SMARCB1: variants seen among roughly 807,000 people sequenced by gnomAD.
SMARCB1 encodes SWI/SNF related BAF chromatin remodeling complex subunit B1, also known as SWI/SNF-related matrix-associated actin-dependent regulator of chromatin subfamily B member 1.
SMARCB1 carries 5 observed loss-of-function variants against 49.0 expected under a neutral mutation model. The observed-to-expected ratio is 0.10, with a 90% confidence interval of 0.05 to 0.21. The LOEUF (loss-of-function observed/expected upper bound fraction) is 0.21, where lower values mean the gene tolerates loss of function less well. Among genes scored for constraint, SMARCB1 ranks in the 10% least tolerant of loss-of-function variants. The pLI is 1.00. For synonymous variants in SMARCB1, 201 were observed against 200.1 expected (o/e 1.00, Z -0.04); for missense variants, 226 against 509.2 (o/e 0.44, Z 5.35).
At chr22:23,802,171 C>T (rs1929196621) in intron 4 of SMARCB1, 1 of 152,816 alleles carries the variant, frequency 6.5e-6, no homozygotes, top group African/African-American at 2.4e-5. Context: ...ACGCAGAATC[C>T]TCCAGGCTCC....
At position 23,834,354 on chromosome 22, in the gene SMARCB1, G is replaced by T; in HGVS notation, c.*174G>T. On this transcript the variant is annotated 3_prime_UTR_variant, in exon 9 of 9. Coordinates refer to ENST00000644036, the MANE Select transcript of SMARCB1 (RefSeq NM_003073.5). The stretch of plus-strand genomic sequence containing the variant: ...TCCCGGCACACATTCCATTTGTTGA[G>T]CCCCAGTCCTGCCCCCCACCCCACC... 1 of 741,280 alleles carries T rather than the reference G, an allele frequency of 1.3e-6. No homozygotes were observed. 45.9% of individuals were successfully genotyped at this position (741,280 alleles called of 1,614,324 possible).
At chr22:23,828,033 T>C (rs2030473166) in intron 7 of SMARCB1, among the ~76,000 whole-genome samples, 1 of 152,144 alleles carries the variant, frequency 6.6e-6, no homozygotes. Flanking sequence ...ACAGAAAGCT[T>C]GGCAACTGCT....
At chr22:23,799,087 T>C (rs1928960988) in intron 3 of SMARCB1, among the ~76,000 whole-genome samples, 1 of 151,014 alleles carries the variant, frequency 6.6e-6, no homozygotes, top group Admixed American at 6.6e-5. Context: ...TGACTTGCTC[T>C]GAATGGTTGA....
intron 5 of SMARCB1, 57 bp from the exon 6 acceptor site, chr22:23,816,713 G>A (rs2146009035): frequency 4.6e-6 from 7 of 1,523,870 alleles, no homozygotes; most frequent in Middle Eastern, 1.7e-4. Flanking sequence ...GAGGGAGGCC[G>A]GTCCATGCCC....
intron 6 of SMARCB1, chr22:23,822,981 T>C (rs2030179943): frequency 1.2e-5 from 1 of 83,756 alleles, no homozygotes; most frequent in African/African-American, 4.6e-5. Flanking sequence ...TTTTTTTTTT[T>C]TTTTTTTTTT....
At chr22:23,815,657 G>A (rs1249555298) in intron 5 of SMARCB1, 1 of 152,210 alleles carries the variant, frequency 6.6e-6, no homozygotes, top group African/African-American at 2.4e-5. Context: ...ATAATAGCGG[G>A]AAACTGGAAA....
At position 23,835,756 on chromosome 22, in the gene SMARCB1, A is replaced by G; in HGVS notation, c.*1576A>G. 1.0e-6 allele frequency: 1 copy of G among 985,468 alleles called. No individual in the cohort carries two copies. The highest frequency in any genetic ancestry group is 1.7e-5 in the African/African-American group (1 of 57,366). The allele number at this position is 985,468 out of a possible 1,614,324, so 61.0% of individuals were successfully genotyped here. On this transcript the variant is annotated 3_prime_UTR_variant, in exon 9 of 9. Coordinates refer to ENST00000644036, the MANE Select transcript of SMARCB1 (RefSeq NM_003073.5). ...TAGGAACCTCGGCAATGAAAGGGTG[A>G]GGCAGCCCTGTGTCTCCACAACTGG...
chr22:23,797,713 G>A (rs1351022190), intron 3 of SMARCB1, among the ~76,000 whole-genome samples: 1 of 138,156 alleles, frequency 7.2e-6, no homozygotes, highest in Non-Finnish European at 1.5e-5. Context: ...CCCTTCCCGG[G>A]TTCAAGTCAT....
At chr22:23,831,496 C>T (rs2030655165) in intron 7 of SMARCB1, among the ~76,000 whole-genome samples, 1 of 152,126 alleles carries the variant, frequency 6.6e-6, no homozygotes. Context: ...CTCCCAGGGT[C>T]CCCAGCACTC....
intron 3 of SMARCB1, among the ~76,000 whole-genome samples, chr22:23,794,403 T>TG (rs1928613075): frequency 6.6e-6 from 1 of 152,094 alleles, no homozygotes; most frequent in South Asian, 2.1e-4. Flanking sequence ...GTGGGACTCG[T>TG]GGGGCACAGT....
At chr22:23,833,067 AG>A (rs1454122126) in intron 7 of SMARCB1, among the ~76,000 whole-genome samples, 1 of 152,036 alleles carries the variant, frequency 6.6e-6, no homozygotes, top group Non-Finnish European at 1.5e-5. Context: ...ATGCAGGAAC[AG>A]GCTGTGCAGT....
chr22:23,814,276 A>G (rs2146003701), intron 5 of SMARCB1, among the ~76,000 whole-genome samples: 1 of 152,362 alleles, frequency 6.6e-6, no homozygotes, highest in Admixed American at 6.5e-5. Flanking sequence ...ACAGACCCAC[A>G]CAAACGTGCC....
At chr22:23,788,796 A>G (rs75356159) in intron 1 of SMARCB1, among the ~76,000 whole-genome samples, 183 of 152,320 alleles carry the variant, frequency 1.2e-3, no homozygotes, top group African/African-American at 4.3e-3. Flanking sequence ...GGTCACACTG[A>G]GTCCCATGGA....
intron 7 of SMARCB1, among the ~76,000 whole-genome samples, chr22:23,830,493 GT>G: frequency 6.6e-6 from 1 of 152,164 alleles, no homozygotes; most frequent in East Asian, 1.9e-4. Context: ...TTATTGTTGA[GT>G]TGTAATTGTT....
Position 23,836,864 on chromosome 22 carries a change from G to A in SMARCB1, c.*2684G>A, listed in dbSNP as rs200378544. ...AAGCCTCTTAGGCCTGGCCCTGGGT[G>A]GGGGTCACTGCTGCGGGGGTGGCAG... On this transcript the variant is annotated 3_prime_UTR_variant, in exon 9 of 9. Transcript: ENST00000644036. The A allele has an allele frequency of 3.5e-3, 5,091 of 1,459,896 alleles. 16 individuals are homozygous for A. The highest frequency in any genetic ancestry group is 4.0e-3 in the Middle Eastern group (22 of 5,466). 90.4% of individuals were successfully genotyped at this position (1,459,896 alleles called of 1,614,324 possible). A position where few individuals can be genotyped will look rare whatever the true frequency, so the allele number is the denominator to read the frequency against.
Position 23,827,367 on chromosome 22 carries a change from G to A in SMARCB1, c.986+1952G>A, listed in dbSNP as rs145145183. On this transcript the variant is annotated intron_variant, in intron 7 of 8. Coordinates refer to ENST00000644036, the MANE Select transcript of SMARCB1 (RefSeq NM_003073.5). The stretch of plus-strand genomic sequence containing the variant: ...GGCACCATCCCTCCTGCTCTGACCC[G>A]AAGGTGACCTGAGCCTAAATTCCTT... 4.9e-3 allele frequency among the ~76,000 whole-genome samples: 739 copies of A among 152,308 alleles called. 20 individuals carry two copies. In the South Asian group the frequency reaches 0.081, roughly 17 times the overall value.
chr22:23,787,836 C>T (rs144122822), intron 1 of SMARCB1, among the ~76,000 whole-genome samples: 11 of 152,274 alleles, frequency 7.2e-5, no homozygotes, highest in African/African-American at 2.4e-4. Flanking sequence ...GGCCCCATGC[C>T]TAAGCTAGAT....
chr22:23,787,901 A>G (rs1928116185), intron 1 of SMARCB1, among the ~76,000 whole-genome samples: 1 of 152,178 alleles, frequency 6.6e-6, no homozygotes, highest in Admixed American at 6.5e-5. Context: ...CTGATTCTGA[A>G]TTATTACAGG....
chr22:23,832,214 GC>G (rs34378449), intron 7 of SMARCB1, among the ~76,000 whole-genome samples: 139,415 of 152,008 alleles, frequency 0.92, 64,086 homozygotes, highest in Middle Eastern at 0.97. Context: ...ACAACCTTGA[GC>G]CACCCACTAC....
Sources: allele counts gnomAD v4.1 joint callset (sites outside exome capture counted in the v4.1 genomes callset), GRCh38; gene constraint gnomAD v4.1.1; transcripts MANE v1.5; gene names NCBI Gene and HGNC (gene_info 2026-07-23, HGNC 2026-07-21).